The following RAB28 variants were observed in gnomAD, a reference collection of about 807,000 sequenced individuals.
The protein encoded by RAB28 is RAB28, member RAS oncogene family.
A neutral mutation model predicts 31.7 loss-of-function variants in RAB28; 24 were observed. The observed-to-expected ratio is 0.76, with a 90% CI of 0.55 to 1.06. RAB28 has a LOEUF of 1.06. Among genes scored for constraint, RAB28 ranks in the 50% least tolerant of loss-of-function variants. RAB28 has a pLI of 0.00. For missense variants in RAB28, 254 were observed against 258.5 expected (o/e 0.98, Z 0.12); for synonymous variants, 100 against 90.4 (o/e 1.11, Z -0.60).
intron 4 of RAB28, among the ~76,000 whole-genome samples, chr4:13,445,849 G>A (rs879459151): frequency 1.3e-5 from 2 of 152,200 alleles, no homozygotes; most frequent in Admixed American, 6.5e-5. Context: ...CCTGCTTGAG[G>A]GAGCAGTCTG....
chr4:13,460,610 T>C (rs1715543512), intron 4 of RAB28, 89 bp downstream of exon 4: 3 of 1,519,996 alleles, frequency 2.0e-6, no homozygotes. Flanking sequence ...GTCTTTGACA[T>C]ATAAATTGGG....
chr4:13,376,748 C>T (rs1728939847), intron 5 of RAB28, 126 bp from the exon 6 acceptor site: 1 of 491,072 alleles, frequency 2.0e-6, no homozygotes, highest in Admixed American at 3.8e-5. Flanking sequence ...CAGGTGATTC[C>T]AAAAATAGCT....
At chr4:13,406,823 C>T (rs1294883214) in intron 4 of RAB28, among the ~76,000 whole-genome samples, 3 of 152,116 alleles carry the variant, frequency 2.0e-5, no homozygotes, top group Non-Finnish European at 2.9e-5. Context: ...CTGTTTATAT[C>T]CTTTGCCCAC....
intron 4 of RAB28, among the ~76,000 whole-genome samples, chr4:13,442,905 T>A (rs1052091873): frequency 3.4e-4 from 51 of 152,180 alleles, no homozygotes; most frequent in African/African-American, 1.2e-3. Context: ...CGTATCAGAA[T>A]TGATGTGGTC....
chr4:13,390,946 A>C (rs755453747), intron 4 of RAB28, among the ~76,000 whole-genome samples: 4 of 152,242 alleles, frequency 2.6e-5, no homozygotes, highest in Non-Finnish European at 5.9e-5. Flanking sequence ...TAAAACCATA[A>C]AAACCCAAGA....
At chr4:13,417,733 C>A (rs1399553491) in intron 4 of RAB28, among the ~76,000 whole-genome samples, 1 of 152,124 alleles carries the variant, frequency 6.6e-6, no homozygotes, top group South Asian at 2.1e-4. Flanking sequence ...ACACCAAAAC[C>A]CCATCTATAG....
rs569486451 is a variant in RAB28, at chr4:13,460,518, A to T, written c.391+181T>A. On this transcript the variant is annotated intron_variant, in intron 4 of 6. Coordinates refer to ENST00000330852, the MANE Select transcript of RAB28 (RefSeq NM_001017979.3). ...AGCATTAGCCACTGCGCCCTGCCAG[A>T]TGTCATTCTTAAGGGCTCCACTCTC... Among the ~76,000 whole-genome samples the T allele has an allele frequency of 7.9e-5, 12 of 152,212 alleles. No homozygotes were observed. The East Asian group carries it at 2.1e-3, about 27-fold the overall frequency.
intron 4 of RAB28, among the ~76,000 whole-genome samples, chr4:13,452,497 TA>T (rs1326084651): frequency 3.3e-5 from 5 of 152,090 alleles, no homozygotes; most frequent in Non-Finnish European, 7.4e-5. Flanking sequence ...AAGAAATTTT[TA>T]AATTTCCTTT....
intron 2 of RAB28, among the ~76,000 whole-genome samples, chr4:13,475,749 C>G (rs1308176991): frequency 6.6e-6 from 1 of 151,538 alleles, no homozygotes. Flanking sequence ...TCTTAAAGCC[C>G]TATGAATATG....
chr4:13,467,118 T>C (rs1279039648), intron 3 of RAB28, among the ~76,000 whole-genome samples: 1 of 151,874 alleles, frequency 6.6e-6, no homozygotes, highest in Non-Finnish European at 1.5e-5. Context: ...GTTAAAACAG[T>C]TAATAATTAT....
chr4:13,427,383 C>G (rs1176967766), intron 4 of RAB28, among the ~76,000 whole-genome samples: 2 of 152,166 alleles, frequency 1.3e-5, no homozygotes, highest in Non-Finnish European at 2.9e-5. Flanking sequence ...TCAGACAAGA[C>G]AAGCATGTGA....
chr4:13,484,023 G>T (rs1716746038), intron 1 of RAB28, 53 bp downstream of exon 1: 4 of 1,506,614 alleles, frequency 2.7e-6, no homozygotes, highest in African/African-American at 2.8e-5. Flanking sequence ...AGGAGGCCGG[G>T]GACCGCCGGG....
intron 4 of RAB28, among the ~76,000 whole-genome samples, chr4:13,417,085 T>C (rs1224722544): frequency 6.6e-6 from 1 of 152,204 alleles, no homozygotes; most frequent in Non-Finnish European, 1.5e-5. Context: ...GGAGATTATA[T>C]CCTGCACATG....
Position 13,484,226 on chromosome 4 carries a change from G to A in RAB28, c.-76C>T. The A allele has an allele frequency of 8.5e-7, 1 of 1,175,926 alleles. No individual in the cohort carries two copies. The highest frequency in any genetic ancestry group is 1.2e-6 in the Non-Finnish European group (1 of 807,348). The allele number at this position is 1,175,926 out of a possible 1,614,324, so 72.8% of individuals were successfully genotyped here. ...ATGAAGGCTCCGGGGGCGGGGGAGA[G>A]GAGGAAGGGAGGTAGTTGCGGCAGG... On this transcript the variant is annotated 5_prime_UTR_variant, in exon 1 of 7. Transcript: ENST00000330852.
chr4:13,477,144 A>C (rs1440964810), intron 2 of RAB28, among the ~76,000 whole-genome samples: 2 of 151,624 alleles, frequency 1.3e-5, no homozygotes, highest in Non-Finnish European at 3.0e-5. Context: ...GGCTCTTAAG[A>C]AGCTCTATCA....
intron 5 of RAB28, among the ~76,000 whole-genome samples, chr4:13,377,248 G>C (rs1486820022): frequency 6.6e-6 from 1 of 152,110 alleles, no homozygotes; most frequent in African/African-American, 2.4e-5. Flanking sequence ...CACATAGTTA[G>C]CTTATGTCAG....
chr4:13,469,280 G>C (rs1396046475), intron 3 of RAB28, among the ~76,000 whole-genome samples: 1 of 151,994 alleles, frequency 6.6e-6, no homozygotes. Flanking sequence ...CCATCACCAT[G>C]TCTCATGTCC....
rs528031893 is a variant in RAB28, at chr4:13,375,383, T to A, written c.573+1162A>T. On this transcript the variant is annotated intron_variant, in intron 6 of 6. Coordinates refer to ENST00000330852, the MANE Select transcript of RAB28 (RefSeq NM_001017979.3). ...ACCCACCACTATACTGAGTTTACAA[T>A]GTATGACCAATAAATCACTTATGAT... 9.2e-5 allele frequency among the ~76,000 whole-genome samples: 14 copies of A among 152,306 alleles called. No individual in the cohort carries two copies. In the South Asian group the frequency reaches 2.9e-3, roughly 32 times the overall value.
At chr4:13,374,496 T>C (rs959375694) in intron 6 of RAB28, among the ~76,000 whole-genome samples, 4 of 152,090 alleles carry the variant, frequency 2.6e-5, no homozygotes, top group Admixed American at 2.0e-4. Flanking sequence ...GCTCAGGCAG[T>C]ACAAGGAATC....
Sources: allele counts gnomAD v4.1 joint callset (sites outside exome capture counted in the v4.1 genomes callset), GRCh38; gene constraint gnomAD v4.1.1; transcripts MANE v1.5; gene names NCBI Gene and HGNC (gene_info 2026-07-23, HGNC 2026-07-21).